The following TFDP1 variants were observed in gnomAD, a reference collection of about 807,000 sequenced individuals.
TFDP1 encodes the protein transcription factor Dp-1, also known as DRTF1-polypeptide 1.
In TFDP1, 6 loss-of-function variants were observed where a neutral mutation model predicts 48.0. The observed-to-expected ratio is 0.13, with a 90% confidence interval of 0.07 to 0.25. The LOEUF (loss-of-function observed/expected upper bound fraction) is 0.25, where lower values mean the gene tolerates loss of function less well. TFDP1 is among the 10% of genes least tolerant of loss of function. TFDP1 has a pLI of 1.00. For missense variants in TFDP1, 335 were observed against 543.0 expected (o/e 0.62, Z 3.81); for synonymous variants, 201 against 211.6 (o/e 0.95, Z 0.44).
At chr13:113,593,741 G>A (rs1247120441) in intron 2 of TFDP1, among the ~76,000 whole-genome samples, 1 of 146,284 alleles carries the variant, frequency 6.8e-6, no homozygotes, top group Non-Finnish European at 1.5e-5. Context: ...GGTGATAGGT[G>A]TGGTGTGCGC....
At position 113,623,861 on chromosome 13, in the gene TFDP1, G is replaced by A. The variant is rs571184597; in HGVS notation, c.186+575G>A. On this transcript the variant is annotated intron_variant, in intron 4 of 11. Transcript: ENST00000375370. This position sits in a 1 kb window ranked among gnomAD's most constrained non-coding sequence, Gnocchi z 5.2. ...AACTGATGCTGCTTCTCATAATGCTGTTTCCTGTCTCGTGTCCGCCCTCTG... is the reference window on the plus strand; with the variant it reads ...AACTGATGCTGCTTCTCATAATGCTATTTCCTGTCTCGTGTCCGCCCTCTG... Among the ~76,000 whole-genome samples, 2 of 152,316 alleles carry A rather than the reference G, an allele frequency of 1.3e-5. No homozygotes were observed. The highest frequency in any genetic ancestry group is 2.9e-5 in the Non-Finnish European group (2 of 68,032).
intron 2 of TFDP1, among the ~76,000 whole-genome samples, chr13:113,594,083 C>T (rs1354784549): frequency 2.2e-5 from 3 of 136,744 alleles, no homozygotes; most frequent in Admixed American, 1.5e-4. Flanking sequence ...CTCAGCCGTG[C>T]CCAGGTGACA....
At chr13:113,615,740 T>TA (rs890790583) in intron 3 of TFDP1, among the ~76,000 whole-genome samples, 20 of 152,136 alleles carry the variant, frequency 1.3e-4, no homozygotes, top group Admixed American at 5.2e-4. Flanking sequence ...CCCATCTCTA[T>TA]AAAAAATTTT....
chr13:113,614,379 G>C (rs988803903), intron 3 of TFDP1, among the ~76,000 whole-genome samples: 1 of 152,170 alleles, frequency 6.6e-6, no homozygotes, highest in Non-Finnish European at 1.5e-5. Context: ...CAGGGTCCTC[G>C]GCGCCCTTAG....
rs1048274437 is a variant in TFDP1 at position 113,622,349 on chromosome 13, A to G, written c.80-831A>G. ...CCGACCCTGTGGGGCCGGTCCCTACAGTGGGGCACTGCGAGCCCCTTGCTG... is the reference window on the plus strand; with the variant it reads ...CCGACCCTGTGGGGCCGGTCCCTACGGTGGGGCACTGCGAGCCCCTTGCTG... On this transcript the variant is annotated intron_variant, in intron 3 of 11. Transcript: ENST00000375370. Among the ~76,000 whole-genome samples the G allele has an allele frequency of 9.9e-5, 15 of 152,276 alleles. 1 individual carries two copies. The highest frequency in any genetic ancestry group is 6.8e-3 in the Middle Eastern group (2 of 294).
chr13:113,602,226 G>A (rs1566644578), intron 2 of TFDP1, among the ~76,000 whole-genome samples: 1 of 149,478 alleles, frequency 6.7e-6, no homozygotes, highest in Admixed American at 6.7e-5. Context: ...AGGAGCGGAC[G>A]GAGTTACCTG....
chr13:113,610,890 T>G, intron 2 of TFDP1, 106 bp from the exon 3 acceptor site: 3 of 1,071,984 alleles, frequency 2.8e-6, no homozygotes, highest in Non-Finnish European at 4.2e-6. Context: ...TCCTTCTGCC[T>G]TTTTATGACG....
intron 2 of TFDP1, among the ~76,000 whole-genome samples, chr13:113,591,232 C>T (rs1170751843): frequency 5.4e-5 from 8 of 149,060 alleles, no homozygotes; most frequent in Non-Finnish European, 8.9e-5. Context: ...ATCCCAGCTA[C>T]TCTCGAGGCT....
chr13:113,639,913 G>A (rs2049598615), intron 11 of TFDP1, among the ~76,000 whole-genome samples: 1 of 152,228 alleles, frequency 6.6e-6, no homozygotes, highest in Non-Finnish European at 1.5e-5. Context: ...CAGGAGACAG[G>A]GCCAGAAGAG....
Position 113,598,538 on chromosome 13 carries a change from G to T in TFDP1, c.13-12458G>T, listed in dbSNP as rs149357037. 6.6e-6 allele frequency among the ~76,000 whole-genome samples: 1 copy of T among 152,230 alleles called. No homozygotes were observed. The highest frequency in any genetic ancestry group is 1.5e-5 in the Non-Finnish European group (1 of 68,004). ...GTTTCCTGAAGGTTCTGGTGCCCCC[G>T]AAGCACAGCCCCACCTCCCTAACCT... is the stretch of plus-strand genomic sequence containing the variant. On this transcript the variant is annotated intron_variant, in intron 2 of 11. Transcript: ENST00000375370. The surrounding 1 kb of genome is among the most constrained non-coding windows in gnomAD (Gnocchi z 4.2).
chr13:113,595,611 C>G (rs1445654879), intron 2 of TFDP1, among the ~76,000 whole-genome samples: 1 of 152,188 alleles, frequency 6.6e-6, no homozygotes, highest in Non-Finnish European at 1.5e-5. Flanking sequence ...TTAAATCTTC[C>G]CAAATTTGCA....
intron 4 of TFDP1, among the ~76,000 whole-genome samples, chr13:113,626,569 G>A (rs1392903946): frequency 6.6e-6 from 1 of 150,640 alleles, no homozygotes; most frequent in East Asian, 2.0e-4. Context: ...TGTCCTGATT[G>A]AGCGGTTCCA....
intron 2 of TFDP1, chr13:113,586,118 C>G (rs1426470646): frequency 8.2e-6 from 3 of 366,662 alleles, no homozygotes; most frequent in African/African-American, 6.2e-5. Flanking sequence ...TTATCTTTAC[C>G]GACTGTGTTA....
In TFDP1 at chr13:113,611,701, T is replaced by C. The variant is rs563877966; in HGVS notation, c.79+639T>C. On this transcript the variant is annotated intron_variant, in intron 3 of 11. Coordinates refer to ENST00000375370, the MANE Select transcript of TFDP1 (RefSeq NM_007111.5). Reference sequence around the variant, plus strand: ...TTACTTCCTGGGTAAACTCCTTACCTGTGCTGGGTCAGGGCACGCCATTTA... The same window carrying C: ...TTACTTCCTGGGTAAACTCCTTACCCGTGCTGGGTCAGGGCACGCCATTTA... 2.0e-5 allele frequency among the ~76,000 whole-genome samples: 3 copies of C among 152,370 alleles called. No individual in the cohort carries two copies. The East Asian group carries it at 5.8e-4, about 29-fold the overall frequency.
intron 2 of TFDP1, among the ~76,000 whole-genome samples, chr13:113,596,153 C>T (rs897456269): frequency 6.6e-6 from 1 of 152,196 alleles, no homozygotes; most frequent in Non-Finnish European, 1.5e-5. Context: ...TTTCTTTTGC[C>T]TTTAAGAAAA....
chr13:113,605,528 T>C (rs1303957695), intron 2 of TFDP1, among the ~76,000 whole-genome samples: 1 of 152,226 alleles, frequency 6.6e-6, no homozygotes, highest in Non-Finnish European at 1.5e-5. Flanking sequence ...GGTGCTGCTG[T>C]CCTGGATTCT....
intron 10 of TFDP1, chr13:113,637,053 A>T (rs892667260): frequency 1.9e-5 from 4 of 213,048 alleles, no homozygotes; most frequent in African/African-American, 9.2e-5. Flanking sequence ...TGCTGATCCC[A>T]CCCACTGATG....
chr13:113,586,607 C>A (rs1282078341), intron 2 of TFDP1, among the ~76,000 whole-genome samples: 3 of 152,220 alleles, frequency 2.0e-5, no homozygotes, highest in Non-Finnish European at 4.4e-5. Flanking sequence ...TACCTACTTA[C>A]CGCACAGAGT....
At chr13:113,629,960 T>C (rs2049289885) in intron 4 of TFDP1, among the ~76,000 whole-genome samples, 1 of 152,156 alleles carries the variant, frequency 6.6e-6, no homozygotes, top group African/African-American at 2.4e-5. Flanking sequence ...CCTGTGCGTG[T>C]GGTATGCGCG....
Sources: gnomAD v4.1 joint callset for allele counts (sites outside exome capture counted in the v4.1 genomes callset) on GRCh38, gnomAD v4.1.1 for gene constraint, Gnocchi (gnomAD v3.1) non-coding constraint, MANE v1.5 for transcripts, NCBI Gene and HGNC (gene_info 2026-07-23, HGNC 2026-07-21) for gene names.